IL23R: variants seen among roughly 807,000 people sequenced by gnomAD.
IL23R encodes interleukin-23 receptor.
Under a neutral mutation model 56.9 loss-of-function variants are expected in IL23R, and 34 were observed. The ratio of observed to expected loss-of-function variants is 0.60; its 90% CI spans 0.45 to 0.80. The LOEUF is 0.80. Among genes scored for constraint, IL23R ranks in the 30% least tolerant of loss-of-function variants. The pLI, the probability that IL23R is intolerant of heterozygous loss-of-function variation, is 0.00. For missense variants in IL23R, 635 were observed against 730.0 expected (o/e 0.87, Z 1.50); for synonymous variants, 230 against 249.2 (o/e 0.92, Z 0.73).
chr1:67,239,586 G>A (rs904295102), intron 8 of IL23R, among the ~76,000 whole-genome samples: 2 of 152,082 alleles, frequency 1.3e-5, no homozygotes, highest in African/African-American at 4.8e-5. Context: ...TTAACTAAGT[G>A]TGAGTGCAGC....
At chr1:67,264,036 T>C (rs1374507955), downstream of IL23R, among the ~76,000 whole-genome samples, 2 of 152,344 alleles carry the variant, frequency 1.3e-5, no homozygotes, top group Non-Finnish European at 2.9e-5. Flanking sequence ...AGCTGTGCTC[T>C]TCTATACTTA....
chr1:67,226,643 T>C (rs988781645), intron 7 of IL23R, among the ~76,000 whole-genome samples: 38 of 152,294 alleles, frequency 2.5e-4, no homozygotes, highest in Middle Eastern at 3.4e-3. Flanking sequence ...AAAAGGCAAC[T>C]TTTGAGCACG....
intron 7 of IL23R, among the ~76,000 whole-genome samples, chr1:67,232,965 C>G (rs1482123889): frequency 1.3e-5 from 2 of 151,944 alleles, no homozygotes; most frequent in Admixed American, 6.6e-5. Flanking sequence ...TAAGACATGC[C>G]TGTTTCCCCG....
chr1:67,246,766 T>C (rs1652251501), intron 9 of IL23R, among the ~76,000 whole-genome samples: 1 of 152,196 alleles, frequency 6.6e-6, no homozygotes, highest in Non-Finnish European at 1.5e-5. Flanking sequence ...TGTGATGTAG[T>C]CCTGAGAAGA....
At chr1:67,148,154 C>T (rs976377395) in intron 1 of IL23R, among the ~76,000 whole-genome samples, 2 of 152,260 alleles carry the variant, frequency 1.3e-5, no homozygotes, top group African/African-American at 2.4e-5. Context: ...CGATGGGCGC[C>T]TCGCTGGGTC....
intron 4 of IL23R, among the ~76,000 whole-genome samples, chr1:67,194,557 A>G (rs890607641): frequency 2.0e-5 from 3 of 152,358 alleles, no homozygotes; most frequent in African/African-American, 7.2e-5. Flanking sequence ...CAATTAAAAC[A>G]GTGCTTTGTG....
upstream of IL23R, among the ~76,000 whole-genome samples, chr1:67,164,736 C>A (rs1360291966): frequency 6.6e-6 from 1 of 152,150 alleles, no homozygotes; most frequent in East Asian, 1.9e-4. Flanking sequence ...CATCTTCAAT[C>A]AATTCTCCAC....
rs146638939 is a variant in IL23R at position 67,142,694 on chromosome 1, T to C, written c.-634+3533T>C. Among the ~76,000 whole-genome samples, 187 of 152,304 alleles carry C rather than the reference T, an allele frequency of 1.2e-3. 7 individuals carry two copies. The East Asian group carries it at 0.034, about 27-fold the overall frequency. ...GATTCTCCTGTCTCAGCCTTACAAG[T>C]AGCTGGGACCACAGGTGTGTGCCAC... is the stretch of plus-strand genomic sequence containing the variant. On this transcript the variant is annotated intron_variant, in intron 1 of 10. Transcript: ENST00000637002.
At position 67,254,875 on chromosome 1, in the gene IL23R, A is replaced by G. The variant is rs1198494543; in HGVS notation, c.1149-962A>G. On this transcript the variant is annotated intron_variant, in intron 9 of 10. Transcript: ENST00000347310. ...TAGATAGCTTGGGGGAAAAAGTGGG[A>G]TGTTTATGACTTCTACCTTTTCTTT... Among the ~76,000 whole-genome samples, 9 of 152,178 alleles carry G rather than the reference A, an allele frequency of 5.9e-5. No homozygotes were observed. The East Asian group carries it at 1.5e-3, about 26-fold the overall frequency.
chr1:67,197,818 C>A (rs919464249), intron 4 of IL23R, among the ~76,000 whole-genome samples: 1 of 152,002 alleles, frequency 6.6e-6, no homozygotes, highest in Non-Finnish European at 1.5e-5. Context: ...TGCCTGTAGT[C>A]CCAGCTACTC....
chr1:67,196,349 G>A (rs989048751), intron 4 of IL23R: 3 of 152,106 alleles, frequency 2.0e-5, no homozygotes, highest in Non-Finnish European at 2.9e-5. Flanking sequence ...GCAACATAGC[G>A]AGGCTGCATC....
chr1:67,171,147 G>C lies in IL23R; in HGVS notation c.367+1509G>C, dbSNP rs376594343. 2.0e-5 allele frequency among the ~76,000 whole-genome samples: 3 copies of C among 152,102 alleles called. No homozygotes were observed. In the East Asian group the frequency reaches 5.8e-4, roughly 29 times the overall value. On this transcript the variant is annotated intron_variant, in intron 3 of 10. Transcript: ENST00000347310. Reference sequence around the variant, plus strand: ...CAAATACTTTACTATTTATCCTTTGGGGGTGGGAGTTGGGTAGAGAGACTA... The same window carrying C: ...CAAATACTTTACTATTTATCCTTTGCGGGTGGGAGTTGGGTAGAGAGACTA...
intron 9 of IL23R, among the ~76,000 whole-genome samples, chr1:67,251,242 G>A (rs1403833904): frequency 1.3e-5 from 2 of 152,160 alleles, no homozygotes; most frequent in Non-Finnish European, 2.9e-5. Context: ...CACGAGGTCA[G>A]CAGATCGAGA....
chr1:67,265,561 T>C, the IL23R span, among the ~76,000 whole-genome samples: 1 of 152,212 alleles, frequency 6.6e-6, no homozygotes, highest in East Asian at 1.9e-4. Context: ...TTCAATAATA[T>C]ATTAACCTAA....
At chr1:67,183,561 T>C (rs1409065602) in intron 4 of IL23R, among the ~76,000 whole-genome samples, 1 of 152,076 alleles carries the variant, frequency 6.6e-6, no homozygotes, top group African/African-American at 2.4e-5. Flanking sequence ...TAATAAATTA[T>C]TGCTTAAATC....
rs1215865559 is a variant in IL23R at position 67,172,729 on chromosome 1, TC to T, written c.367+3092del. On this transcript the variant is annotated intron_variant, in intron 3 of 10. Transcript: ENST00000347310. ...GCACATTTGTTATTCAATAAAAGCCTCTGAATATTTGTTTCTAACATTGCTA... is the reference window on the plus strand; with the variant it reads ...GCACATTTGTTATTCAATAAAAGCCTTGAATATTTGTTTCTAACATTGCTA... 3.9e-5 allele frequency among the ~76,000 whole-genome samples: 6 copies of T among 152,328 alleles called. No individual in the cohort carries two copies. The South Asian group carries it at 1.2e-3, about 32-fold the overall frequency.
chr1:67,190,215 T>C (rs897143788), intron 4 of IL23R, among the ~76,000 whole-genome samples: 5 of 152,210 alleles, frequency 3.3e-5, no homozygotes, highest in East Asian at 1.9e-4. Context: ...ATTTCTCCAG[T>C]TGCAGAAAGG....
chr1:67,219,929 T>C (rs976660514), intron 7 of IL23R, among the ~76,000 whole-genome samples, 199 bp downstream of exon 7: 2 of 152,054 alleles, frequency 1.3e-5, no homozygotes, highest in Non-Finnish European at 2.9e-5. Context: ...ATTATTAGCC[T>C]GGGTGGTAGA....
In IL23R at chr1:67,259,315, A is replaced by C; in HGVS notation, c.*187A>C. ...TAGGGGATTGCTGGGCCATATGATA[A>C]GCATATGTTTCAGTTCTACCAATCT... is the stretch of plus-strand genomic sequence containing the variant. On this transcript the variant is annotated 3_prime_UTR_variant, in exon 11 of 11. Transcript: ENST00000347310. 3.2e-6 allele frequency: 2 copies of C among 618,990 alleles called. No individual in the cohort carries two copies. The allele number at this position is 618,990 out of a possible 1,614,324, so 38.3% of individuals were successfully genotyped here.
Sources: gnomAD v4.1 joint callset for allele counts (sites outside exome capture counted in the v4.1 genomes callset) on GRCh38, gnomAD v4.1.1 for gene constraint, MANE v1.5 for transcripts, NCBI Gene and HGNC (gene_info 2026-07-23, HGNC 2026-07-21) for gene names.